SBF2: variants seen among roughly 807,000 people sequenced by gnomAD.
SBF2 encodes myotubularin-related protein 13.
Under a neutral mutation model 225.2 loss-of-function variants are expected in SBF2, and 112 were observed. The observed-to-expected ratio is 0.50, with a 90% CI of 0.43 to 0.58. The LOEUF (loss-of-function observed/expected upper bound fraction) is 0.58, where lower values mean the gene tolerates loss of function less well. Among genes scored for constraint, SBF2 ranks in the 20% least tolerant of loss-of-function variants. SBF2 has a pLI of 0.00. For missense variants in SBF2, 1,996 were observed against 2,206.2 expected, an observed-to-expected ratio of 0.90 and a Z score of 1.91; for synonymous variants, 763 against 773.3, an observed-to-expected ratio of 0.99 and a Z score of 0.22.
intron 1 of SBF2, among the ~76,000 whole-genome samples, chr11:10,284,862 G>A (rs980864390): frequency 6.6e-6 from 1 of 151,042 alleles, no homozygotes; most frequent in African/African-American, 2.4e-5. Flanking sequence ...GGGCACAAGT[G>A]ATAACCCACC....
intron 29 of SBF2, among the ~76,000 whole-genome samples, chr11:9,814,485 C>G (rs951312159): frequency 1.3e-5 from 2 of 151,564 alleles, no homozygotes; most frequent in Non-Finnish European, 2.9e-5. Context: ...AGGAAAAAAC[C>G]CCCAGGGAAT....
At chr11:10,118,990 A>T (rs1953305053) in intron 2 of SBF2, among the ~76,000 whole-genome samples, 1 of 151,950 alleles carries the variant, frequency 6.6e-6, no homozygotes, top group Admixed American at 6.6e-5. Flanking sequence ...TGCAGGAAAA[A>T]GGCTACTAAA....
At chr11:10,043,363 T>C (rs1358655141) in intron 2 of SBF2, among the ~76,000 whole-genome samples, 1 of 152,184 alleles carries the variant, frequency 6.6e-6, no homozygotes, top group African/African-American at 2.4e-5. Flanking sequence ...TATTTTTAAA[T>C]TTCCATATGA....
chr11:9,951,774 T>C (rs1384975959), intron 16 of SBF2, among the ~76,000 whole-genome samples: 3 of 152,162 alleles, frequency 2.0e-5, no homozygotes, highest in Non-Finnish European at 2.9e-5. Flanking sequence ...AAGTGCTGAC[T>C]GGATGGTTCT....
At chr11:10,227,251 T>C (rs1488050073) in intron 1 of SBF2, among the ~76,000 whole-genome samples, 1 of 152,148 alleles carries the variant, frequency 6.6e-6, no homozygotes, top group African/African-American at 2.4e-5. Context: ...GTTGCAAAAA[T>C]TTTCTCCCAT....
chr11:9,942,903 GAA>G (rs796869082), intron 16 of SBF2, among the ~76,000 whole-genome samples: 5,451 of 139,746 alleles, frequency 0.039, 239 homozygotes, highest in African/African-American at 0.1. Context: ...GAGAGAGAGA[GAA>G]AGAAAGAAAG....
At chr11:10,191,715 A>C (rs1291479517) in intron 2 of SBF2, among the ~76,000 whole-genome samples, 1 of 152,198 alleles carries the variant, frequency 6.6e-6, no homozygotes, top group Non-Finnish European at 1.5e-5. Context: ...GACTCCACTT[A>C]TTGGAGAAAC....
chr11:9,853,702 T>C lies in SBF2; in HGVS notation c.2374A>G (p.Ser792Gly). ...TCTGTATCATAGCTCTCAGCTACACTTCCTGCAATACTAAGACAGTCAAGG... is the reference window on the plus strand; with the variant it reads ...TCTGTATCATAGCTCTCAGCTACACCTCCTGCAATACTAAGACAGTCAAGG... ...NSIVTNSIAG[S>G]VAESYDTESG... Residue 792 changes from serine (S) to glycine (G), a missense_variant, in exon 20 of 40, where the codon AGT becomes GGT. Ser to Gly is a moderately conservative substitution (Grantham distance 56). Coordinates refer to ENST00000256190, the MANE Select transcript of SBF2 (RefSeq NM_030962.4). 1 of 1,613,926 alleles carries C rather than the reference T, an allele frequency of 6.2e-7. No individual in the cohort carries two copies. The highest frequency in any genetic ancestry group is 8.5e-7 in the Non-Finnish European group (1 of 1,179,856).
At chr11:10,141,788 G>C (rs1954660589) in intron 2 of SBF2, among the ~76,000 whole-genome samples, 1 of 152,128 alleles carries the variant, frequency 6.6e-6, no homozygotes, top group South Asian at 2.1e-4. Context: ...TGATACATTA[G>C]TTCAAAAATA....
chr11:9,862,476 G>A (rs1409095282), intron 17 of SBF2, among the ~76,000 whole-genome samples: 1 of 152,242 alleles, frequency 6.6e-6, no homozygotes, highest in African/African-American at 2.4e-5. Context: ...AAAGAGAACT[G>A]TTCAGGGTCA....
At chr11:10,149,651 C>T (rs764694114) in intron 2 of SBF2, 1 of 152,136 alleles carries the variant, frequency 6.6e-6, no homozygotes, top group Non-Finnish European at 1.5e-5. Context: ...AACCCTTAGG[C>T]CAATGTCATA....
chr11:10,001,716 C>T (rs1947967396), intron 7 of SBF2, among the ~76,000 whole-genome samples: 2 of 151,974 alleles, frequency 1.3e-5, no homozygotes, highest in Admixed American at 6.6e-5. Context: ...TTAGTACAGA[C>T]GGGGTTTCAC....
At chr11:10,134,719 G>A (rs372025161) in intron 2 of SBF2, among the ~76,000 whole-genome samples, 6 of 152,304 alleles carry the variant, frequency 3.9e-5, no homozygotes, top group Non-Finnish European at 8.8e-5. Flanking sequence ...CAGGTCACAC[G>A]GATGCAAGAG....
intron 1 of SBF2, among the ~76,000 whole-genome samples, chr11:10,219,231 G>T (rs1958248476): frequency 6.6e-6 from 1 of 152,182 alleles, no homozygotes; most frequent in African/African-American, 2.4e-5. Flanking sequence ...CTCAATTCTT[G>T]ACTTTTGTGT....
intron 16 of SBF2, among the ~76,000 whole-genome samples, chr11:9,899,257 G>C (rs1377147324): frequency 6.6e-6 from 1 of 151,414 alleles, no homozygotes; most frequent in African/African-American, 2.4e-5. Flanking sequence ...ACTTTGGGAA[G>C]CCAAGGCAGG....
At chr11:9,965,284 A>G (rs1241785611) in intron 14 of SBF2, among the ~76,000 whole-genome samples, 1 of 151,668 alleles carries the variant, frequency 6.6e-6, no homozygotes, top group Non-Finnish European at 1.5e-5. Flanking sequence ...TATTCGTCAA[A>G]TAATGTTTTA....
chr11:10,100,814 C>T (rs920564672), intron 2 of SBF2, among the ~76,000 whole-genome samples: 3 of 151,796 alleles, frequency 2.0e-5, no homozygotes, highest in Admixed American at 2.0e-4. Context: ...TTTCCTGTAG[C>T]CTTGTGTGGA....
chr11:9,847,643 A>C (rs1487132116), intron 22 of SBF2, among the ~76,000 whole-genome samples: 3 of 152,208 alleles, frequency 2.0e-5, no homozygotes, highest in Non-Finnish European at 4.4e-5. Flanking sequence ...TATACTATAT[A>C]TATGTGCCTT....
rs1189316809 is a variant in SBF2 at position 9,789,341 on chromosome 11, G to C, written c.4700C>G (p.Ala1567Gly). Residue 1567 changes from alanine (A) to glycine (G), a missense_variant and splice_region_variant, in exon 35 of 40, where the codon GCT becomes GGT. By Grantham distance (60) the Ala-to-Gly change is moderately conservative. Transcript: ENST00000256190. Reference protein sequence around the residue: ...NYLYSPLEIEALKPNVNVSSL... With the variant: ...NYLYSPLEIEGLKPNVNVSSL... ...AGAGACGTTTACATTGGGCTTTAGAGCCTGTTAAAGAAAACAGAAATATAG... is the reference window on the plus strand; with the variant it reads ...AGAGACGTTTACATTGGGCTTTAGACCCTGTTAAAGAAAACAGAAATATAG... 1.2e-6 allele frequency: 2 copies of C among 1,610,732 alleles called. No homozygotes were observed. The highest frequency in any genetic ancestry group is 1.7e-5 in the Admixed American group (1 of 60,010).
Sources: allele counts gnomAD v4.1 joint callset (sites outside exome capture counted in the v4.1 genomes callset), GRCh38; gene constraint gnomAD v4.1.1; transcripts MANE v1.5; gene names NCBI Gene and HGNC (gene_info 2026-07-23, HGNC 2026-07-21).